Variants in PCDH15 observed in about 807,000 individuals in gnomAD.
The protein encoded by PCDH15 is protocadherin-15.
Under a neutral mutation model 178.5 loss-of-function variants are expected in PCDH15, and 129 were observed. The observed-to-expected ratio is 0.72, with a 90% CI of 0.63 to 0.84. PCDH15 has a LOEUF of 0.84. Ranked by LOEUF, PCDH15 falls within the 40% of genes least tolerant of loss-of-function variation. The probability of loss-of-function intolerance (pLI) is 0.00; values close to 1 mark genes in which losing one functional copy is unlikely to be tolerated. For missense variants in PCDH15, 2,230 were observed against 2,099.9 expected, an observed-to-expected ratio of 1.06 and a Z score of -1.21; for synonymous variants, 800 against 732.0, an observed-to-expected ratio of 1.09 and a Z score of -1.50.
intron 25 of PCDH15, among the ~76,000 whole-genome samples, chr10:53,923,634 C>T (rs1304750717): frequency 6.6e-6 from 1 of 152,202 alleles, no homozygotes; most frequent in African/African-American, 2.4e-5. Context: ...CTTCCACATA[C>T]AAGCCCTTTA....
intron 3 of PCDH15, among the ~76,000 whole-genome samples, chr10:54,826,074 T>A (rs1261523487): frequency 6.6e-6 from 1 of 152,112 alleles, no homozygotes; most frequent in Non-Finnish European, 1.5e-5. Flanking sequence ...TGCCTTCAGA[T>A]AGACTTAGTA....
intron 2 of PCDH15, among the ~76,000 whole-genome samples, chr10:55,586,641 C>G (rs1455361427): frequency 6.6e-6 from 1 of 152,094 alleles, no homozygotes; most frequent in Non-Finnish European, 1.5e-5. Context: ...TCCAAAAAGT[C>G]TGTAACTAAG....
intron 21 of PCDH15, among the ~76,000 whole-genome samples, chr10:53,986,891 C>G (rs1290961356): frequency 6.6e-6 from 1 of 152,108 alleles, no homozygotes; most frequent in Non-Finnish European, 1.5e-5. Flanking sequence ...TTTCCAGATG[C>G]CAGAACTGAG....
intron 21 of PCDH15, chr10:53,994,989 G>A (rs1314375189): frequency 6.6e-6 from 1 of 151,690 alleles, no homozygotes; most frequent in African/African-American, 2.4e-5. Context: ...TACAGTGTGA[G>A]CCCACTCAGA....
intron 21 of PCDH15, among the ~76,000 whole-genome samples, chr10:53,980,730 A>G (rs879825114): frequency 7.2e-5 from 11 of 152,206 alleles, no homozygotes; most frequent in Non-Finnish European, 1.3e-4. Context: ...GCTGTACAAT[A>G]TAATTTTTAT....
In PCDH15 at chr10:54,174,692, T is replaced by TC. The variant is rs201781972; in HGVS notation, c.1590+8751_1590+8752insG. ...TTTTCTTTTCCTTCTTTCTTTTTTC[T>TC]TTTTCTTTTCTTTTTTTTTTTTTTT... On this transcript the variant is annotated intron_variant, in intron 13 of 37. Transcript: ENST00000644397. Among the ~76,000 whole-genome samples, 466 of 115,348 alleles carry TC rather than the reference T, an allele frequency of 4.0e-3. 1 individual carries two copies. The highest frequency in any genetic ancestry group is 0.019 in the African/African-American group (439 of 22,832). The allele number at this position is 115,348 out of a possible 152,430, so 75.7% of individuals were successfully genotyped here. A position where few individuals can be genotyped will look rare whatever the true frequency, so the allele number is the denominator to read the frequency against.
chr10:55,619,628 T>C (rs1202462866), intron 2 of PCDH15, among the ~76,000 whole-genome samples: 2 of 152,056 alleles, frequency 1.3e-5, no homozygotes, highest in African/African-American at 4.8e-5. Flanking sequence ...GTAATGTACT[T>C]AAAGTAATAA....
chr10:54,514,321 C>A lies in PCDH15; in HGVS notation c.157+13491G>T, dbSNP rs139554339. 3.4e-4 allele frequency among the ~76,000 whole-genome samples: 51 copies of A among 152,110 alleles called. 1 individual carries two copies. The East Asian group carries it at 9.5e-3, about 28-fold the overall frequency. The stretch of plus-strand genomic sequence containing the variant: ...TAATAATGTTCACACAGCTTCCTAT[C>A]AGTGTTTTACTTGCCAACAATAATA... On this transcript the variant is annotated intron_variant, in intron 3 of 37. Coordinates refer to ENST00000644397, the MANE Select transcript of PCDH15 (RefSeq NM_001384140.1).
At chr10:54,047,850 G>A (rs72794973) in intron 18 of PCDH15, among the ~76,000 whole-genome samples, 38 of 152,024 alleles carry the variant, frequency 2.5e-4, no homozygotes, top group African/African-American at 8.9e-4. Flanking sequence ...ATAAGTTTGC[G>A]ATTGTAGGTA....
chr10:55,409,104 T>C (rs1425330136), intron 2 of PCDH15, among the ~76,000 whole-genome samples: 3 of 146,720 alleles, frequency 2.0e-5, no homozygotes, highest in Admixed American at 6.7e-5. Flanking sequence ...TGTAGGTGTG[T>C]TCAATAGATC....
At position 54,396,247 on chromosome 10, in the gene PCDH15, T is replaced by C. The variant is rs558307956; in HGVS notation, c.158-17305A>G. ...CTTTGCCTTGCCTCAAGTTGCTGTC[T>C]TTAGAAATTCAAAATCCTTTTCCTT... On this transcript the variant is annotated intron_variant, in intron 3 of 37. Coordinates refer to ENST00000644397, the MANE Select transcript of PCDH15 (RefSeq NM_001384140.1). 4.6e-5 allele frequency among the ~76,000 whole-genome samples: 7 copies of C among 152,276 alleles called. No homozygotes were observed. The South Asian group carries it at 1.5e-3, about 32-fold the overall frequency.
chr10:55,266,696 C>G, intron 1 of PCDH15, among the ~76,000 whole-genome samples: 1 of 152,132 alleles, frequency 6.6e-6, no homozygotes, highest in East Asian at 1.9e-4. Context: ...GAGGAACACA[C>G]TGGCAGAAAA....
chr10:53,995,825 C>T, intron 20 of PCDH15, 60 bp from the exon 21 acceptor site: 3 of 1,421,266 alleles, frequency 2.1e-6, no homozygotes, highest in Admixed American at 1.7e-5. Flanking sequence ...GATACAGTTA[C>T]TAGATTGACT....
At chr10:54,290,191 G>T (rs1591612822) in intron 8 of PCDH15, among the ~76,000 whole-genome samples, 1 of 152,166 alleles carries the variant, frequency 6.6e-6, no homozygotes, top group East Asian at 1.9e-4. Context: ...ACTAACAGTG[G>T]GTCTCTCAGC....
intron 1 of PCDH15, among the ~76,000 whole-genome samples, chr10:54,756,054 AAAAC>A (rs1382912549): frequency 0.083 from 9,322 of 111,898 alleles, 427 homozygotes; most frequent in African/African-American, 0.18. Context: ...GTCTCTACTA[AAAAC>A]ACACACACAC....
At chr10:54,869,608 C>T (rs1953999456) in intron 3 of PCDH15, among the ~76,000 whole-genome samples, 1 of 152,112 alleles carries the variant, frequency 6.6e-6, no homozygotes, top group Non-Finnish European at 1.5e-5. Context: ...ATCTTAATTT[C>T]CTCATGTAAA....
intron 8 of PCDH15, among the ~76,000 whole-genome samples, chr10:54,281,723 A>T (rs2058716297): frequency 6.6e-6 from 1 of 152,012 alleles, no homozygotes; most frequent in African/African-American, 2.4e-5. Flanking sequence ...GCTCTATACT[A>T]GGAAAGATAA....
chr10:55,398,501 G>A (rs1158210658), intron 2 of PCDH15, among the ~76,000 whole-genome samples: 1 of 152,094 alleles, frequency 6.6e-6, no homozygotes, highest in Non-Finnish European at 1.5e-5. Flanking sequence ...TTTTTGAATA[G>A]TCTTTCCTCT....
intron 1 of PCDH15, among the ~76,000 whole-genome samples, chr10:54,676,166 G>A (rs371615873): frequency 1.1e-4 from 17 of 151,766 alleles, no homozygotes; most frequent in South Asian, 4.2e-4. Context: ...ATTTTAAATC[G>A]TCGAACTTAG....
Sources: allele counts gnomAD v4.1 joint callset (sites outside exome capture counted in the v4.1 genomes callset), GRCh38; gene constraint gnomAD v4.1.1; transcripts MANE v1.5; gene names NCBI Gene and HGNC (gene_info 2026-07-23, HGNC 2026-07-21).